The following ABCB11 variants were observed in gnomAD, a reference collection of about 807,000 sequenced individuals.
ABCB11 encodes bile salt export pump.
ABCB11 carries 95 observed loss-of-function variants against 148.0 expected under a neutral mutation model. That is an observed-to-expected ratio of 0.64 (90% CI 0.54 to 0.76). The LOEUF (loss-of-function observed/expected upper bound fraction) is 0.76. Among genes scored for constraint, ABCB11 ranks in the 30% least tolerant of loss-of-function variants. ABCB11 has a pLI of 0.00. For missense variants in ABCB11, 1,523 were observed against 1,617.8 expected (o/e 0.94, Z 1.01); for synonymous variants, 591 against 555.4 (o/e 1.06, Z -0.90).
At chr2:169,012,380 G>C (rs1046667505) in intron 5 of ABCB11, among the ~76,000 whole-genome samples, 1 of 152,128 alleles carries the variant, frequency 6.6e-6, no homozygotes, top group Non-Finnish European at 1.5e-5. Flanking sequence ...TGGCCTGTCA[G>C]GCTTATCACA....
At chr2:168,950,117 C>G (rs1051348900) in intron 19 of ABCB11, among the ~76,000 whole-genome samples, 1 of 135,732 alleles carries the variant, frequency 7.4e-6, no homozygotes, top group Non-Finnish European at 1.6e-5. Context: ...TGATATATAT[C>G]CTATTACTCC....
At chr2:168,933,014 C>T (rs1193133195) in intron 23 of ABCB11, among the ~76,000 whole-genome samples, 2 of 149,710 alleles carry the variant, frequency 1.3e-5, no homozygotes, top group African/African-American at 4.9e-5. Context: ...GAGGCTGAGG[C>T]AGGAGAATGG....
At position 168,969,396 on chromosome 2, in the gene ABCB11, A is replaced by C. The variant is rs200156612; in HGVS notation, c.1965T>G (p.Thr655=). 1.5e-5 allele frequency: 24 copies of C among 1,612,612 alleles called. No individual in the cohort carries two copies. The highest frequency in any genetic ancestry group is 2.0e-5 in the Non-Finnish European group (24 of 1,179,230). The stretch of plus-strand genomic sequence containing the variant: ...GAGCTTGATTTCCCTGGCTTTGCAA[A>C]GTCACTAGAGTGAAGTAAACACCTT... ...ERKGVYFTLV[T]LQSQGNQALN... The change falls in exon 16 of 28, where the codon ACT becomes ACG. Residue 655 remains threonine, a synonymous_variant. Coordinates refer to ENST00000650372, the MANE Select transcript of ABCB11 (RefSeq NM_003742.4).
intron 17 of ABCB11, among the ~76,000 whole-genome samples, chr2:168,967,674 A>T (rs1254516717): frequency 6.6e-6 from 1 of 151,906 alleles, no homozygotes; most frequent in Admixed American, 6.6e-5. Flanking sequence ...ATTGCCTTTT[A>T]AAAATCTTCT....
intron 18 of ABCB11, among the ~76,000 whole-genome samples, chr2:168,961,114 T>C (rs532275855): frequency 3.7e-4 from 56 of 151,750 alleles, no homozygotes; most frequent in Non-Finnish European, 6.6e-4. Flanking sequence ...AAAGAATGAA[T>C]GAAACTTTTA....
At chr2:168,937,056 T>G (rs1691866443) in intron 21 of ABCB11, among the ~76,000 whole-genome samples, 1 of 152,092 alleles carries the variant, frequency 6.6e-6, no homozygotes, top group Non-Finnish European at 1.5e-5. Context: ...ACCTGCTAAT[T>G]TTTTAATCTT....
rs3770603 is a variant in ABCB11 at position 169,026,708 on chromosome 2, C to T, written c.-28+4517G>A. Among the ~76,000 whole-genome samples the T allele has an allele frequency of 0.11, 16,212 of 151,984 alleles. 936 individuals are homozygous for T. Among genetic ancestry groups the T allele is most frequent in the East Asian group, 0.21 (1,068 of 5,178 alleles). On this transcript the variant is annotated intron_variant, in intron 1 of 27. Transcript: ENST00000650372. ...TCCACTGGCAAATTATTTTTTTTAT[C>T]AGATGAGATGTTGGGAAACCCATAC...
In ABCB11 at chr2:169,016,111, A is replaced by C. The variant is rs186914170; in HGVS notation, c.98+667T>G. On this transcript the variant is annotated intron_variant, in intron 3 of 27. Transcript: ENST00000650372. ...CTCTCCTTGCCATTCATCTACATCCACACCCATTTTTTAAACTTCCCACGC... is the reference window on the plus strand; with the variant it reads ...CTCTCCTTGCCATTCATCTACATCCCCACCCATTTTTTAAACTTCCCACGC... Among the ~76,000 whole-genome samples the C allele has an allele frequency of 1.2e-4, 18 of 152,152 alleles. No homozygotes were observed. The East Asian group carries it at 3.1e-3, about 26-fold the overall frequency.
chr2:169,018,160 A>G lies in ABCB11; in HGVS notation c.-27-8T>C, dbSNP rs1218200603. The G allele has an allele frequency of 2.5e-6, 4 of 1,603,478 alleles. No individual in the cohort carries two copies. Among genetic ancestry groups the G allele is most frequent in the Non-Finnish European group, 3.4e-6 (4 of 1,172,404 alleles). Reference sequence around the variant, plus strand: ...AACCCACAGCCAACGACCCTATAAAATAAAATAAAAGAATCATTGCAATTA... The same window carrying G: ...AACCCACAGCCAACGACCCTATAAAGTAAAATAAAAGAATCATTGCAATTA... On this transcript the variant is annotated splice_polypyrimidine_tract_variant and splice_region_variant and intron_variant, in intron 1 of 27. Transcript: ENST00000650372.
chr2:169,029,014 G>A (rs1695781797), intron 1 of ABCB11, among the ~76,000 whole-genome samples: 1 of 152,160 alleles, frequency 6.6e-6, no homozygotes, highest in African/African-American at 2.4e-5. Flanking sequence ...TTGAGGAGCT[G>A]AGGACAGTGA....
intron 13 of ABCB11, among the ~76,000 whole-genome samples, chr2:168,972,884 A>G (rs576190936): frequency 6.6e-6 from 1 of 152,168 alleles, no homozygotes; most frequent in African/African-American, 2.4e-5. Flanking sequence ...ATGACCCTAG[A>G]CAAGTTTCCA....
chr2:168,982,767 T>TGA lies in ABCB11; in HGVS notation c.1084-2790_1084-2789dup, dbSNP rs549580308. On this transcript the variant is annotated intron_variant, in intron 10 of 27. Coordinates refer to ENST00000650372, the MANE Select transcript of ABCB11 (RefSeq NM_003742.4). ...GCTGCTCAGAAGTGTGGCCAAGACC[T>TGA]GAGAGAGAGAGCGAGCGAGAGAGAG... 1.9e-3 allele frequency among the ~76,000 whole-genome samples: 284 copies of TGA among 151,574 alleles called. 11 individuals are homozygous for TGA. The South Asian group carries it at 0.056, about 30-fold the overall frequency.
At chr2:169,031,017 T>C (rs990783798) in intron 1 of ABCB11, among the ~76,000 whole-genome samples, 1 of 152,212 alleles carries the variant, frequency 6.6e-6, no homozygotes. Flanking sequence ...AGCATTGCTA[T>C]AAAGAAGACA....
chr2:168,999,319 A>G (rs1694807657), intron 5 of ABCB11, among the ~76,000 whole-genome samples: 1 of 151,040 alleles, frequency 6.6e-6, no homozygotes, highest in Admixed American at 6.6e-5. Context: ...CATTCAATTT[A>G]CACATCAAGC....
chr2:168,936,681 C>G (rs1214973852), intron 21 of ABCB11, among the ~76,000 whole-genome samples: 1 of 152,070 alleles, frequency 6.6e-6, no homozygotes, highest in Admixed American at 6.5e-5. Context: ...CAATAACCTC[C>G]CTTTCTTCTC....
At chr2:168,995,115 C>CTA (rs914406550) in intron 7 of ABCB11, among the ~76,000 whole-genome samples, 2 of 151,942 alleles carry the variant, frequency 1.3e-5, no homozygotes, top group Non-Finnish European at 2.9e-5. Context: ...TATTTCCTTT[C>CTA]TAATATTTTA....
chr2:168,942,919 A>G (rs1692132188), intron 21 of ABCB11, among the ~76,000 whole-genome samples: 1 of 151,940 alleles, frequency 6.6e-6, no homozygotes, highest in South Asian at 2.1e-4. Flanking sequence ...AATGTAATCT[A>G]TATTTAAAAA....
chr2:169,000,537 T>C (rs905561611), intron 5 of ABCB11, among the ~76,000 whole-genome samples: 1 of 152,114 alleles, frequency 6.6e-6, no homozygotes, highest in Non-Finnish European at 1.5e-5. Flanking sequence ...AGCTTATCTT[T>C]CCCCCACTGA....
downstream of ABCB11, among the ~76,000 whole-genome samples, chr2:168,919,410 A>G (rs1691012196): frequency 6.6e-6 from 1 of 152,286 alleles, no homozygotes; most frequent in Admixed American, 6.5e-5. Flanking sequence ...CAAACCCACC[A>G]GGCATTCTAG....
Sources: gnomAD v4.1 joint callset for allele counts (sites outside exome capture counted in the v4.1 genomes callset) on GRCh38, gnomAD v4.1.1 for gene constraint, MANE v1.5 for transcripts, NCBI Gene and HGNC (gene_info 2026-07-23, HGNC 2026-07-21) for gene names.